The following GRM5 variants were observed in gnomAD, a reference collection of about 807,000 sequenced individuals.
GRM5 encodes glutamate metabotropic receptor 5, also known as metabotropic glutamate receptor 5.
GRM5 carries 19 observed loss-of-function variants against 83.1 expected under a neutral mutation model. That is an observed-to-expected ratio of 0.23 (90% CI 0.16 to 0.34). GRM5 has a LOEUF of 0.34. Ranked by LOEUF, GRM5 falls within the 10% of genes least tolerant of loss-of-function variation. GRM5 has a pLI of 1.00. For synonymous variants in GRM5, 675 were observed against 633.6 expected (o/e 1.07, Z -0.98); for missense variants, 1,160 against 1,588.3 (o/e 0.73, Z 4.58).
chr11:88,845,729 C>CCCA lies in GRM5; in HGVS notation c.911+4176_911+4177insTGG, dbSNP rs1027141012. Among the ~76,000 whole-genome samples the CCCA allele has an allele frequency of 9.9e-5, 15 of 151,362 alleles. 2 individuals are homozygous for CCCA. Among genetic ancestry groups the CCCA allele is most frequent in the African/African-American group, 3.7e-4 (15 of 40,904 alleles). On this transcript the variant is annotated intron_variant, in intron 3 of 9. Coordinates refer to ENST00000305447, the MANE Select transcript of GRM5 (RefSeq NM_001143831.3). Reference sequence around the variant, plus strand: ...ATTACAGGCATGAACCACCGCGCCCCCCCCCACTTTTTATATGAATTGGGA... The same window carrying CCCA: ...ATTACAGGCATGAACCACCGCGCCCCCCACCCCCACTTTTTATATGAATTGGGA...
At chr11:88,565,116 T>C (rs955639978) in intron 8 of GRM5, among the ~76,000 whole-genome samples, 4 of 152,184 alleles carry the variant, frequency 2.6e-5, no homozygotes, top group Non-Finnish European at 5.9e-5. Context: ...CATTTCTTTA[T>C]CTCCATTTTT....
chr11:88,873,719 C>T (rs653421), intron 2 of GRM5, among the ~76,000 whole-genome samples: 115,384 of 151,380 alleles, frequency 0.76, 44,760 homozygotes, highest in East Asian at 0.99. Context: ...AAAGAAGTTA[C>T]AATAGGAAAG....
intron 3 of GRM5, among the ~76,000 whole-genome samples, chr11:88,786,761 G>T (rs17182184): frequency 0.28 from 41,643 of 151,390 alleles, 6,859 homozygotes; most frequent in Non-Finnish European, 0.38. Context: ...ATTTTTTTAC[G>T]TTACATACCT....
chr11:88,767,864 G>A (rs1447337067), intron 3 of GRM5, among the ~76,000 whole-genome samples: 3 of 151,648 alleles, frequency 2.0e-5, no homozygotes, highest in African/African-American at 7.3e-5. Flanking sequence ...TAATCATTAG[G>A]GACATTCAAA....
At chr11:88,850,182 G>A in intron 2 of GRM5, 27 bp from the exon 3 acceptor site, 1 of 996,312 alleles carries the variant, frequency 1.0e-6, no homozygotes, top group Non-Finnish European at 1.6e-6. Flanking sequence ...ATAAGCAGAG[G>A]GATAGTGAAA....
intron 8 of GRM5, among the ~76,000 whole-genome samples, chr11:88,559,855 C>T (rs768302191): frequency 7.9e-5 from 12 of 152,070 alleles, no homozygotes; most frequent in South Asian, 2.1e-4. Flanking sequence ...ACAATTCTAA[C>T]GTGGGATGAT....
At chr11:88,941,951 C>CA (rs1938128927) in intron 2 of GRM5, among the ~76,000 whole-genome samples, 1 of 151,800 alleles carries the variant, frequency 6.6e-6, no homozygotes, top group African/African-American at 2.4e-5. Context: ...CAATGTTACA[C>CA]AAAAAAATTC....
chr11:88,931,997 C>A (rs894657781), intron 2 of GRM5, among the ~76,000 whole-genome samples: 1 of 151,968 alleles, frequency 6.6e-6, no homozygotes. Flanking sequence ...ATAAAATAAA[C>A]CTGACTGTTT....
intron 3 of GRM5, among the ~76,000 whole-genome samples, chr11:88,808,137 A>G (rs1232270841): frequency 6.6e-6 from 1 of 152,038 alleles, no homozygotes; most frequent in African/African-American, 2.4e-5. Flanking sequence ...TTTATAGAAG[A>G]GACATTTTAC....
intron 7 of GRM5, among the ~76,000 whole-genome samples, chr11:88,568,495 G>A (rs901845328): frequency 3.3e-5 from 5 of 152,170 alleles, no homozygotes; most frequent in African/African-American, 9.7e-5. Context: ...AGTGTAACAA[G>A]TGGCCTAAGA....
chr11:88,784,002 T>G (rs1943021921), intron 3 of GRM5, among the ~76,000 whole-genome samples: 1 of 151,986 alleles, frequency 6.6e-6, no homozygotes, highest in Non-Finnish European at 1.5e-5. Flanking sequence ...CATACCAGCT[T>G]ATAGGAGCCG....
intron 2 of GRM5, among the ~76,000 whole-genome samples, chr11:88,968,784 C>A (rs563185149): frequency 1.8e-4 from 27 of 151,966 alleles, no homozygotes; most frequent in African/African-American, 5.8e-4. Context: ...CCCTAAAAAG[C>A]CACTGAATTG....
At chr11:88,811,722 T>A (rs1426594579) in intron 3 of GRM5, among the ~76,000 whole-genome samples, 1 of 152,120 alleles carries the variant, frequency 6.6e-6, no homozygotes, top group East Asian at 1.9e-4. Flanking sequence ...CTGTTTTATG[T>A]ATTAAGTGAG....
chr11:88,966,379 T>C (rs1446257429), intron 2 of GRM5, among the ~76,000 whole-genome samples: 2 of 151,178 alleles, frequency 1.3e-5, no homozygotes, highest in Admixed American at 6.6e-5. Context: ...CATAAATCAA[T>C]GAAATTAAAA....
chr11:88,656,816 CTATT>C (rs1294506097), intron 3 of GRM5, among the ~76,000 whole-genome samples: 7 of 151,922 alleles, frequency 4.6e-5, no homozygotes, highest in East Asian at 1.9e-4. Context: ...AGTATAATGA[CTATT>C]TATATAACAT....
intron 2 of GRM5, among the ~76,000 whole-genome samples, chr11:88,899,445 G>T (rs1370688087): frequency 6.6e-6 from 1 of 151,920 alleles, no homozygotes; most frequent in Admixed American, 6.6e-5. Flanking sequence ...GATAATTCTG[G>T]AAGAAAATAA....
At chr11:89,041,113 C>A (rs1168438287) in intron 2 of GRM5, among the ~76,000 whole-genome samples, 3 of 152,088 alleles carry the variant, frequency 2.0e-5, no homozygotes, top group Admixed American at 6.6e-5. Flanking sequence ...TAAGAGTGAC[C>A]AAGGGAAAAC....
chr11:88,804,917 T>C (rs1003213724), intron 3 of GRM5, among the ~76,000 whole-genome samples: 5 of 152,136 alleles, frequency 3.3e-5, no homozygotes, highest in African/African-American at 1.2e-4. Flanking sequence ...CAGACTTCAC[T>C]ACACAATATA....
At chr11:88,881,429 G>T (rs201373439) in intron 2 of GRM5, among the ~76,000 whole-genome samples, 5 of 80,662 alleles carry the variant, frequency 6.2e-5, no homozygotes, top group Middle Eastern at 0.013. Context: ...GAGGGCAAAA[G>T]ATAAACATCT....
Sources: gnomAD v4.1 joint callset for allele counts (sites outside exome capture counted in the v4.1 genomes callset) on GRCh38, gnomAD v4.1.1 for gene constraint, MANE v1.5 for transcripts, NCBI Gene and HGNC (gene_info 2026-07-23, HGNC 2026-07-21) for gene names.